The following CIITA variants were observed in gnomAD, a reference collection of about 807,000 sequenced individuals.
CIITA encodes the protein MHC class II transactivator.
CIITA carries 72 observed loss-of-function variants against 115.1 expected under a neutral mutation model. That is an observed-to-expected ratio of 0.63 (90% CI 0.52 to 0.76). The LOEUF (loss-of-function observed/expected upper bound fraction) is 0.76. Among genes scored for constraint, CIITA ranks in the 30% least tolerant of loss-of-function variants. The pLI, the probability that CIITA is intolerant of heterozygous loss-of-function variation, is 0.00. For synonymous variants in CIITA, 763 were observed against 635.6 expected (o/e 1.20, Z -3.02); for missense variants, 1,617 against 1,463.8 (o/e 1.10, Z -1.71).
intron 2 of CIITA, 77 bp from the exon 3 acceptor site, chr16:10,895,592 G>A (rs1257715310): frequency 6.3e-7 from 1 of 1,583,106 alleles, no homozygotes; most frequent in Non-Finnish European, 8.6e-7. Flanking sequence ...TCCCAGCCCT[G>A]CCCCGCCTCT....
At chr16:10,869,800 C>A (rs866870163) in intron 1 of CIITA, among the ~76,000 whole-genome samples, 2 of 152,242 alleles carry the variant, frequency 1.3e-5, no homozygotes, top group Middle Eastern at 6.8e-3. Context: ...TGAGCCACTG[C>A]GCCTGGCTCC....
chr16:10,904,573 T>G (rs2039007295), intron 9 of CIITA, among the ~76,000 whole-genome samples, 171 bp from the exon 10 acceptor site: 1 of 152,210 alleles, frequency 6.6e-6, no homozygotes, highest in African/African-American at 2.4e-5. Flanking sequence ...AAAGTACAGT[T>G]GGCCAAAGAA....
chr16:10,910,815 T>C (rs532322546), intron 13 of CIITA, among the ~76,000 whole-genome samples: 1 of 152,326 alleles, frequency 6.6e-6, no homozygotes, highest in African/African-American at 2.4e-5. Context: ...CCTGAGCTTG[T>C]TTACTTCCAC....
intron 13 of CIITA, among the ~76,000 whole-genome samples, chr16:10,914,283 G>A (rs1349739258): frequency 6.6e-6 from 1 of 152,214 alleles, no homozygotes; most frequent in Non-Finnish European, 1.5e-5. Context: ...ATTTGCCAAG[G>A]CCTTTAGCAG....
intron 1 of CIITA, among the ~76,000 whole-genome samples, chr16:10,890,981 G>A (rs928433694): frequency 4.6e-5 from 7 of 152,190 alleles, no homozygotes; most frequent in Admixed American, 3.3e-4. Context: ...TAGTCTCAAA[G>A]TTGGTAAATT....
Position 10,901,912 on chromosome 16 carries a change from C to A in CIITA, c.482-126C>A. ...CAGTTGCTGATCAACACAGCTGCAGCCAGGGCTGAGAAGATGACAAGCATT... is the reference window on the plus strand; with the variant it reads ...CAGTTGCTGATCAACACAGCTGCAGACAGGGCTGAGAAGATGACAAGCATT... On this transcript the variant is annotated intron_variant, in intron 6 of 19. Coordinates refer to ENST00000324288, the MANE Select transcript of CIITA (RefSeq NM_000246.4). This position sits in a 1 kb window ranked among gnomAD's most constrained non-coding sequence, Gnocchi z 6.8. 1 of 1,352,024 alleles carries A rather than the reference C, an allele frequency of 7.4e-7. No homozygotes were observed. Among genetic ancestry groups the A allele is most frequent in the South Asian group, 1.2e-5 (1 of 83,708 alleles). The allele number at this position is 1,352,024 out of a possible 1,614,324, so 83.8% of individuals were successfully genotyped here.
intron 13 of CIITA, among the ~76,000 whole-genome samples, chr16:10,911,209 T>G (rs972127990): frequency 9.8e-6 from 1 of 101,930 alleles, no homozygotes; most frequent in African/African-American, 3.4e-5. Context: ...TTTCTTTCCT[T>G]TCTTCTCTCT....
Position 10,902,146 on chromosome 16 carries a change from C to T in CIITA, c.590C>T (p.Ser197Phe). The stretch of plus-strand genomic sequence containing the variant: ...GCGCTGTTCAACCAGGAGCCAGCCT[C>T]CGGCCAGATGCGCCTGGAGAAAACC... The part of the protein sequence containing the change: ...LPALFNQEPA[S>F]GQMRLEKTDQ... The change falls in exon 7 of 20, where the codon TCC becomes TTC. Residue 197 changes from serine (S) to phenylalanine (F), a missense_variant. Ser to Phe is a radical substitution (Grantham distance 155). Coordinates refer to ENST00000324288, the MANE Select transcript of CIITA (RefSeq NM_000246.4). 6.2e-7 allele frequency: 1 copy of T among 1,614,192 alleles called. No homozygotes were observed. Among genetic ancestry groups the T allele is most frequent in the South Asian group, 1.1e-5 (1 of 91,086 alleles).
Position 10,923,836 on chromosome 16 carries a change from G to C in CIITA, c.*23-42G>C, listed in dbSNP as rs1367830968. On this transcript the variant is annotated intron_variant, in intron 19 of 19. Transcript: ENST00000324288. The surrounding 1 kb of genome is among the most constrained non-coding windows in gnomAD (Gnocchi z 5.2). Reference sequence around the variant, plus strand: ...CAGGTGTCAAGCTGCCCCTCCTAGAGTGTCCTGCCTAAACCCCCTCTCCTG... The same window carrying C: ...CAGGTGTCAAGCTGCCCCTCCTAGACTGTCCTGCCTAAACCCCCTCTCCTG... 5.7e-6 allele frequency: 1 copy of C among 175,004 alleles called. No individual in the cohort carries two copies. The highest frequency in any genetic ancestry group is 1.2e-5 in the Non-Finnish European group (1 of 82,002). The allele number at this position is 175,004 out of a possible 1,614,324, so 10.8% of individuals were successfully genotyped here. A position where few individuals can be genotyped will look rare whatever the true frequency, so the allele number is the denominator to read the frequency against.
At position 10,941,870 on chromosome 16, in the gene CIITA, G is replaced by A. The variant is rs1287247196; in HGVS notation, n.996G>A. 2 of 1,612,294 alleles carry A rather than the reference G, an allele frequency of 1.2e-6. No homozygotes were observed. The highest frequency in any genetic ancestry group is 2.2e-5 in the South Asian group (2 of 90,980). ...ACGTTGAGGACGATGTACTCCATGA[G>A]GAAGGCGTAGTACAGGATCAGCACA... On this transcript the variant is annotated non_coding_transcript_exon_variant, in exon 2 of 2. Transcript: ENST00000573379. This position sits in a 1 kb window ranked among gnomAD's most constrained non-coding sequence, Gnocchi z 6.4.
chr16:10,940,253 A>T (rs1184146112), downstream of CIITA: 2 of 152,142 alleles, frequency 1.3e-5, no homozygotes, highest in African/African-American at 4.8e-5. This position sits in a 1 kb window ranked among gnomAD's most constrained non-coding sequence, Gnocchi z 4.2. Flanking sequence ...GGCCTTAGGG[A>T]GGTGATTAGG....
At chr16:10,900,595 C>G (rs1049460798) in intron 5 of CIITA, among the ~76,000 whole-genome samples, 2 of 152,042 alleles carry the variant, frequency 1.3e-5, no homozygotes, top group Non-Finnish European at 2.9e-5. Flanking sequence ...CAAAAATTAG[C>G]CAGGCGTGGT....
At position 10,925,538 on chromosome 16, in the gene CIITA, G is replaced by A. The variant is rs961497179; in HGVS notation, c.*1683G>A. On this transcript the variant is annotated 3_prime_UTR_variant, in exon 20 of 20. Coordinates refer to ENST00000324288, the MANE Select transcript of CIITA (RefSeq NM_000246.4). The stretch of plus-strand genomic sequence containing the variant: ...TTGCCCAGGCAGGTCTTGAACTCCT[G>A]GCCTCAAGTGATTCTCCTGCCTCAG... The A allele has an allele frequency of 6.6e-6, 1 of 152,276 alleles. No individual in the cohort carries two copies. The highest frequency in any genetic ancestry group is 2.4e-5 in the African/African-American group (1 of 41,418). The allele number at this position is 152,276 out of a possible 1,614,324, so 9.4% of individuals were successfully genotyped here. A position where few individuals can be genotyped will look rare whatever the true frequency, so the allele number is the denominator to read the frequency against.
In CIITA at chr16:10,909,202, G is replaced by C. The variant is rs45473496; in HGVS notation, c.2816+15G>C. The C allele has an allele frequency of 1.2e-6, 2 of 1,613,678 alleles. No homozygotes were observed. Among genetic ancestry groups the C allele is most frequent in the Non-Finnish European group, 1.7e-6 (2 of 1,179,818 alleles). ...CAGACTCAGAGGTGAGAGGAGAGGCGGATGGGAGGTGGTTCACGCCATGCA... is the reference window on the plus strand; with the variant it reads ...CAGACTCAGAGGTGAGAGGAGAGGCCGATGGGAGGTGGTTCACGCCATGCA... On this transcript the variant is annotated intron_variant, in intron 12 of 19. Transcript: ENST00000324288.
In CIITA at chr16:10,902,680, G is replaced by A. The variant is rs759168388; in HGVS notation, c.651G>A (p.Leu217=). 1 of 1,614,196 alleles carries A rather than the reference G, an allele frequency of 6.2e-7. No homozygotes were observed. Among genetic ancestry groups the A allele is most frequent in the Non-Finnish European group, 8.5e-7 (1 of 1,180,034 alleles). The change falls in exon 8 of 20, where the codon TTG becomes TTA. Residue 217 remains leucine, a synonymous_variant. Transcript: ENST00000324288. ...QIPMPFSSSS[L]SCLNLPEGPI... ...CAGTGCCTTTCTCCAGTTCCTCGTTGAGCTGCCTGAATCTCCCTGAGGGAC... is the reference window on the plus strand; with the variant it reads ...CAGTGCCTTTCTCCAGTTCCTCGTTAAGCTGCCTGAATCTCCCTGAGGGAC...
intron 5 of CIITA, among the ~76,000 whole-genome samples, chr16:10,900,629 A>G (rs963542281): frequency 5.3e-5 from 8 of 152,062 alleles, no homozygotes; most frequent in Admixed American, 3.3e-4. Context: ...AATCCCAGCT[A>G]CCAGGGAGGC....
In CIITA at chr16:10,907,004, G is replaced by A. The variant is rs1340128795; in HGVS notation, c.1512G>A (p.Leu504=). 1.2e-6 allele frequency: 2 copies of A among 1,610,014 alleles called. No individual in the cohort carries two copies. The highest frequency in any genetic ancestry group is 8.5e-7 in the Non-Finnish European group (1 of 1,179,860). ...TCATCCTAGACGGCTTCGAGGAGCTGGAAGCGCAAGATGGCTTCCTGCACA... is the reference window on the plus strand; with the variant it reads ...TCATCCTAGACGGCTTCGAGGAGCTAGAAGCGCAAGATGGCTTCCTGCACA... ...VLLILDGFEE[L]EAQDGFLHST... Residue 504 remains leucine, a synonymous_variant, in exon 11 of 20, where the codon CTG becomes CTA. Transcript: ENST00000324288. The surrounding 1 kb of genome is among the most constrained non-coding windows in gnomAD (Gnocchi z 5.0).
At position 10,885,745 on chromosome 16, in the gene CIITA, G is replaced by A. The variant is rs546686640; in HGVS notation, c.52+8363G>A. ...CCATCACCAGACAGCCTGTGGGGTGGCAAGAGCAGAGGTTTGTTTCTTTGT... is the reference window on the plus strand; with the variant it reads ...CCATCACCAGACAGCCTGTGGGGTGACAAGAGCAGAGGTTTGTTTCTTTGT... On this transcript the variant is annotated intron_variant, in intron 1 of 19. Transcript: ENST00000324288. Among the ~76,000 whole-genome samples, 243 of 152,140 alleles carry A rather than the reference G, an allele frequency of 1.6e-3. 1 individual carries two copies. Among genetic ancestry groups the A allele is most frequent in the Admixed American group, 3.0e-3 (46 of 15,282 alleles).
rs201096647 is a variant in CIITA, at chr16:10,895,296, G to T, written c.67G>T (p.Ala23Ser). Residue 23 changes from alanine (A) to serine (S), a missense_variant, in exon 2 of 20, where the codon GCC becomes TCC. Ala to Ser is a moderately conservative substitution (Grantham distance 99). Coordinates refer to ENST00000324288, the MANE Select transcript of CIITA (RefSeq NM_000246.4). ...TTCCCTCCCAGGCAGCTCACAGTGTGCCACCATGGAGTTGGGGCCCCTAGA... is the reference window on the plus strand; with the variant it reads ...TTCCCTCCCAGGCAGCTCACAGTGTTCCACCATGGAGTTGGGGCCCCTAGA... ...LSEPQGSSQCATMELGPLEGG... is the reference protein window; with the variant it reads ...LSEPQGSSQCSTMELGPLEGG... The T allele has an allele frequency of 1.9e-6, 3 of 1,613,908 alleles. No homozygotes were observed. Among genetic ancestry groups the T allele is most frequent in the Non-Finnish European group, 1.7e-6 (2 of 1,180,008 alleles).
Sources: gnomAD v4.1 joint callset for allele counts (sites outside exome capture counted in the v4.1 genomes callset) on GRCh38, gnomAD v4.1.1 for gene constraint, Gnocchi (gnomAD v3.1) non-coding constraint, MANE v1.5 for transcripts, NCBI Gene and HGNC (gene_info 2026-07-23, HGNC 2026-07-21) for gene names.